CALM3: variants seen among roughly 807,000 people sequenced by gnomAD.
CALM3 encodes calmodulin-3.
Under a neutral mutation model 20.1 loss-of-function variants are expected in CALM3, and 5 were observed. That is an observed-to-expected ratio of 0.25 (90% CI 0.13 to 0.52). CALM3 has a LOEUF of 0.52. Ranked by LOEUF, CALM3 falls within the 20% of genes least tolerant of loss-of-function variation. CALM3 has a pLI of 0.96. For synonymous variants in CALM3, 69 were observed against 68.1 expected (o/e 1.01, Z -0.06); for missense variants, 57 against 192.8 (o/e 0.30, Z 4.17).
rs1237209247 is a variant in CALM3, at chr19:46,602,153, T to C, written c.3+716T>C. On this transcript the variant is annotated intron_variant, in intron 1 of 5. Coordinates refer to ENST00000291295, the MANE Select transcript of CALM3 (RefSeq NM_005184.4). The stretch of plus-strand genomic sequence containing the variant: ...GGTGGCAGCGGAGATTAGAAGATAC[T>C]CTTGAAGGCTTCCGGGACGGAGAAG... The C allele has an allele frequency of 4.0e-5, 54 of 1,341,782 alleles. No individual in the cohort carries two copies. In the Admixed American group the frequency reaches 1.1e-3, roughly 27 times the overall value. The allele number at this position is 1,341,782 out of a possible 1,614,324, so 83.1% of individuals were successfully genotyped here. A position where few individuals can be genotyped will look rare whatever the true frequency, so the allele number is the denominator to read the frequency against.
chr19:46,606,060 CAG>C, intron 2 of CALM3: 1 of 556,480 alleles, frequency 1.8e-6, no homozygotes, highest in South Asian at 2.0e-5. Context: ...GGCCCTGAGA[CAG>C]GCCTTTACCA....
rs2122230429 is a variant in CALM3, at chr19:46,605,652, T to A, written c.4-175T>A. Among the ~76,000 whole-genome samples, 1 of 152,364 alleles carries A rather than the reference T, an allele frequency of 6.6e-6. No individual in the cohort carries two copies. Among genetic ancestry groups the A allele is most frequent in the East Asian group, 1.9e-4 (1 of 5,188 alleles). ...TACCCAGCTTTCTGAATCACCAGAC[T>A]TTATCATCAGGCGCTGGCTCTGCCT... On this transcript the variant is annotated intron_variant, in intron 1 of 5. Coordinates refer to ENST00000291295, the MANE Select transcript of CALM3 (RefSeq NM_005184.4). This position sits in a 1 kb window ranked among gnomAD's most constrained non-coding sequence, Gnocchi z 4.1.
In CALM3 at chr19:46,609,691, A is replaced by T. The variant is rs1156686339; in HGVS notation, c.*538A>T. ...AGGGGTGCCAAGAGAGGCATTCCAG[A>T]AGGACTGAGGGGGCGTTGAGGAATT... is the stretch of plus-strand genomic sequence containing the variant. On this transcript the variant is annotated 3_prime_UTR_variant, in exon 6 of 6. Coordinates refer to ENST00000291295, the MANE Select transcript of CALM3 (RefSeq NM_005184.4). 1.3e-5 allele frequency: 2 copies of T among 155,596 alleles called. No individual in the cohort carries two copies. Among genetic ancestry groups the T allele is most frequent in the African/African-American group, 2.4e-5 (1 of 41,460 alleles). 9.6% of individuals were successfully genotyped at this position (155,596 alleles called of 1,614,324 possible).
In CALM3 at chr19:46,601,373, G is replaced by A. The variant is rs888891484; in HGVS notation, c.-62G>A. On this transcript the variant is annotated 5_prime_UTR_variant, in exon 1 of 6. Coordinates refer to ENST00000291295, the MANE Select transcript of CALM3 (RefSeq NM_005184.4). This position sits in a 1 kb window ranked among gnomAD's most constrained non-coding sequence, Gnocchi z 4.2. ...GACGCGCGGCGGAGCTGGAACTGCT[G>A]CAGCTGCTGCCGCCGCCGGAGGAAC... 2.0e-6 allele frequency: 3 copies of A among 1,495,306 alleles called. No homozygotes were observed. The Admixed American group carries it at 6.3e-5, about 31-fold the overall frequency. The allele number at this position is 1,495,306 out of a possible 1,614,324, so 92.6% of individuals were successfully genotyped here. A position where few individuals can be genotyped will look rare whatever the true frequency, so the allele number is the denominator to read the frequency against.
upstream of CALM3, chr19:46,601,259 G>A: frequency 2.7e-6 from 1 of 376,668 alleles, no homozygotes; most frequent in Non-Finnish European, 3.8e-6. The surrounding 1 kb of genome is among the most constrained non-coding windows in gnomAD (Gnocchi z 4.2). Context: ...GAGCGAGGCG[G>A]GGCGCGCGCG....
At chr19:46,602,336 A>T (rs201453474) in intron 1 of CALM3, 2 of 536,656 alleles carry the variant, frequency 3.7e-6, no homozygotes, top group Non-Finnish European at 5.9e-6. Context: ...GAATTTTTTT[A>T]ACGGGGTGGG....
chr19:46,607,664 G>A (rs1971771475), intron 2 of CALM3, among the ~76,000 whole-genome samples: 1 of 152,198 alleles, frequency 6.6e-6, no homozygotes, highest in Admixed American at 6.5e-5. Flanking sequence ...AGCTCCTTTG[G>A]AAGCTGGTAG....
At chr19:46,607,585 A>C (rs990868306) in intron 2 of CALM3, among the ~76,000 whole-genome samples, 10 of 149,962 alleles carry the variant, frequency 6.7e-5, no homozygotes, top group South Asian at 2.1e-4. Context: ...CCCCCCATCA[A>C]CCCCACGCAC....
Position 46,608,656 on chromosome 19 carries a change from A to G in CALM3, c.285+68A>G, listed in dbSNP as rs1971797263. The G allele has an allele frequency of 7.2e-7, 1 of 1,391,430 alleles. No homozygotes were observed. The highest frequency in any genetic ancestry group is 1.0e-6 in the Non-Finnish European group (1 of 988,670). The allele number at this position is 1,391,430 out of a possible 1,614,324, so 86.2% of individuals were successfully genotyped here. On this transcript the variant is annotated intron_variant, in intron 4 of 5. Transcript: ENST00000291295. This position sits in a 1 kb window ranked among gnomAD's most constrained non-coding sequence, Gnocchi z 5.5. ...CCTTCAGGCAGACAGGCGGAACTGGAGCCACGGAGCTACCACTTCCAGGAG... is the reference window on the plus strand; with the variant it reads ...CCTTCAGGCAGACAGGCGGAACTGGGGCCACGGAGCTACCACTTCCAGGAG...
rs777256869 is a variant in CALM3, at chr19:46,605,706, T to G, written c.4-121T>G. 1 of 897,074 alleles carries G rather than the reference T, an allele frequency of 1.1e-6. No homozygotes were observed. The highest frequency in any genetic ancestry group is 1.8e-6 in the Non-Finnish European group (1 of 547,086). The allele number at this position is 897,074 out of a possible 1,614,324, so 55.6% of individuals were successfully genotyped here. ...ACCCTGACTCTGGCATGCTCCTCCCTGGCCCGGCGGGAATGGCACGTGGAG... is the reference window on the plus strand; with the variant it reads ...ACCCTGACTCTGGCATGCTCCTCCCGGGCCCGGCGGGAATGGCACGTGGAG... On this transcript the variant is annotated intron_variant, in intron 1 of 5. Coordinates refer to ENST00000291295, the MANE Select transcript of CALM3 (RefSeq NM_005184.4). The surrounding 1 kb of genome is among the most constrained non-coding windows in gnomAD (Gnocchi z 4.1).
At chr19:46,602,042 G>T in intron 1 of CALM3, 2 of 1,242,400 alleles carry the variant, frequency 1.6e-6, no homozygotes, top group Non-Finnish European at 2.1e-6. Flanking sequence ...GGTGGGGGAG[G>T]GTGGGGGAGG....
At chr19:46,607,644 G>T (rs935538591) in intron 2 of CALM3, among the ~76,000 whole-genome samples, 1 of 152,228 alleles carries the variant, frequency 6.6e-6, no homozygotes, top group Non-Finnish European at 1.5e-5. Context: ...CTCACCACAC[G>T]CAGTGGCTCA....
At chr19:46,609,004 C>G (rs745378856) in intron 5 of CALM3, 23 bp downstream of exon 5, 17 of 1,604,394 alleles carry the variant, frequency 1.1e-5, no homozygotes, top group Admixed American at 5.1e-5. Flanking sequence ...CAGGCTTGAT[C>G]TCTGGAACAA....
At position 46,604,553 on chromosome 19, in the gene CALM3, T is replaced by TG. The variant is rs112474918; in HGVS notation, c.4-1274_4-1273insG. On this transcript the variant is annotated intron_variant, in intron 1 of 5. Coordinates refer to ENST00000291295, the MANE Select transcript of CALM3 (RefSeq NM_005184.4). The stretch of plus-strand genomic sequence containing the variant: ...CAAGTTCTTCTTCCGTTAGGTTTTT[T>TG]TTTTTTTTTTCTAACTTTTTTAGAT... 9.2e-5 allele frequency among the ~76,000 whole-genome samples: 14 copies of TG among 151,606 alleles called. 1 individual carries two copies. Among genetic ancestry groups the TG allele is most frequent in the African/African-American group, 2.2e-4 (9 of 41,292 alleles).
chr19:46,609,200 T>C lies in CALM3; in HGVS notation c.*47T>C, dbSNP rs780937181. ...ATGCCCGTTCTCTTGATCTCTCTCT[T>C]CTCGCGCGCGCACTCTCTCTTCAAC... On this transcript the variant is annotated 3_prime_UTR_variant, in exon 6 of 6. Coordinates refer to ENST00000291295, the MANE Select transcript of CALM3 (RefSeq NM_005184.4). 4 of 1,592,552 alleles carry C rather than the reference T, an allele frequency of 2.5e-6. No individual in the cohort carries two copies. The highest frequency in any genetic ancestry group is 1.3e-5 in the African/African-American group (1 of 74,426).
Position 46,608,057 on chromosome 19 carries a change from G to T in CALM3, c.35-140G>T. The T allele has an allele frequency of 1.3e-6, 1 of 744,070 alleles. No individual in the cohort carries two copies. Among genetic ancestry groups the T allele is most frequent in the Non-Finnish European group, 2.2e-6 (1 of 448,512 alleles). The allele number at this position is 744,070 out of a possible 1,614,324, so 46.1% of individuals were successfully genotyped here. On this transcript the variant is annotated intron_variant, in intron 2 of 5. Transcript: ENST00000291295. The surrounding 1 kb of genome is among the most constrained non-coding windows in gnomAD (Gnocchi z 5.5). ...GCACTGAGGAGAGAGAGCTGGTTGCGTGGGACTTGAAGTCTGTCTCAGTTT... is the reference window on the plus strand; with the variant it reads ...GCACTGAGGAGAGAGAGCTGGTTGCTTGGGACTTGAAGTCTGTCTCAGTTT...
intron 1 of CALM3, chr19:46,602,236 G>A: frequency 7.4e-7 from 1 of 1,344,650 alleles, no homozygotes; most frequent in Non-Finnish European, 9.9e-7. Context: ...GCCAGTAGTC[G>A]GGGGACAGGG....
At chr19:46,603,696 G>A (rs1462915497) in intron 1 of CALM3, among the ~76,000 whole-genome samples, 4 of 152,224 alleles carry the variant, frequency 2.6e-5, no homozygotes, top group South Asian at 2.1e-4. Flanking sequence ...TATCTTCTTA[G>A]GCGGTCGGTT....
chr19:46,609,145 G>A lies in CALM3; in HGVS notation c.442G>A (p.Ala148Thr), dbSNP rs1971814009. Residue 148 changes from alanine (A) to threonine (T), a missense_variant, in exon 6 of 6, where the codon GCA becomes ACA. Transcript: ENST00000291295. Reference protein sequence around the residue: ...NYEEFVQMMTAK With the variant: ...NYEEFVQMMTTK ...CACAGAGTTTGTACAGATGATGACTGCAAAGTGAAGGCCCCCCGGGCAGCT... is the reference window on the plus strand; with the variant it reads ...CACAGAGTTTGTACAGATGATGACTACAAAGTGAAGGCCCCCCGGGCAGCT... 1 of 1,614,042 alleles carries A rather than the reference G, an allele frequency of 6.2e-7. No individual in the cohort carries two copies. The highest frequency in any genetic ancestry group is 8.5e-7 in the Non-Finnish European group (1 of 1,179,980).
Sources: gnomAD v4.1 joint callset for allele counts (sites outside exome capture counted in the v4.1 genomes callset) on GRCh38, gnomAD v4.1.1 for gene constraint, Gnocchi (gnomAD v3.1) non-coding constraint, MANE v1.5 for transcripts, NCBI Gene and HGNC (gene_info 2026-07-23, HGNC 2026-07-21) for gene names.